PAK3: variants seen among roughly 807,000 people sequenced by gnomAD.
The protein encoded by PAK3 is p21 (RAC1) activated kinase 3.
In PAK3, 4 loss-of-function variants were observed where a neutral mutation model predicts 41.0. That is an observed-to-expected ratio of 0.10 (90% CI 0.05 to 0.22). The LOEUF (loss-of-function observed/expected upper bound fraction) is 0.22. PAK3 is among the 10% of genes least tolerant of loss of function. PAK3 has a pLI of 1.00. For synonymous variants in PAK3, 146 were observed against 139.6 expected (o/e 1.05, Z -0.32); for missense variants, 205 against 409.9 (o/e 0.50, Z 4.32).
chrX:111,188,043 G>A (rs1014242218), intron 11 of PAK3, among the ~76,000 whole-genome samples: 2 of 108,201 alleles, frequency 1.8e-5, no homozygotes, highest in African/African-American at 6.7e-5. Flanking sequence ...TTTTTAGTTA[G>A]CAGCTGGTGC....
chrX:111,100,815 T>C (rs1329540188), intron 3 of PAK3, among the ~76,000 whole-genome samples: 1 of 109,293 alleles, frequency 9.1e-6, no homozygotes, highest in African/African-American at 3.3e-5. Flanking sequence ...GGGGGTGGAG[T>C]TGGGTTAGTG....
chrX:111,032,529 T>G (rs946926993), intron 1 of PAK3, among the ~76,000 whole-genome samples: 1 of 111,737 alleles, frequency 8.9e-6, no homozygotes, highest in Non-Finnish European at 1.9e-5. Context: ...ACCATTCTTC[T>G]TCCCAGGATG....
At chrX:111,004,463 A>G (rs969814766) in intron 1 of PAK3, among the ~76,000 whole-genome samples, 1 of 112,199 alleles carries the variant, frequency 8.9e-6, no homozygotes, top group Non-Finnish European at 1.9e-5. Context: ...TGTCTATTAA[A>G]TAATTGGAGA....
intron 11 of PAK3, among the ~76,000 whole-genome samples, chrX:111,178,970 T>TAGAGAGAGAGAG (rs1248394866): frequency 4.1e-4 from 34 of 82,916 alleles, no homozygotes; most frequent in African/African-American, 2.7e-3. Context: ...TATATATATA[T>TAGAGAGAGAGAG]ATATATATAT....
intron 16 of PAK3, among the ~76,000 whole-genome samples, chrX:111,198,190 T>G (rs776942888): frequency 7.0e-4 from 78 of 112,221 alleles, no homozygotes; most frequent in Non-Finnish European, 1.4e-3. Flanking sequence ...TGATTTTTGC[T>G]TATTAATTGA....
At chrX:111,216,750 T>C (rs967485612) in intron 17 of PAK3, 192 bp downstream of exon 17, 1 of 169,049 alleles carries the variant, frequency 5.9e-6, no homozygotes, top group Non-Finnish European at 9.4e-6. Context: ...TTCTGAGAAG[T>C]TGGCAGTGTA....
chrX:111,088,786 T>A (rs745569352), intron 1 of PAK3, among the ~76,000 whole-genome samples: 1 of 112,146 alleles, frequency 8.9e-6, no homozygotes, highest in Admixed American at 9.4e-5. Context: ...TCACTCAAAG[T>A]AGGCGGTGTA....
chrX:111,047,169 G>A lies in PAK3; in HGVS notation c.-27-75908G>A, dbSNP rs189386848. Among the ~76,000 whole-genome samples the A allele has an allele frequency of 3.5e-4, 39 of 112,218 alleles. 1 individual carries two copies. Among genetic ancestry groups the A allele is most frequent in the Admixed American group, 2.0e-3 (21 of 10,595 alleles). On this transcript the variant is annotated intron_variant, in intron 1 of 14. Transcript: ENST00000425146. ...ATATAGAGGAAGCTGCAGAGTTATA[G>A]CATCCCTCTACAACATTTATTGAGA...
chrX:111,115,768 T>C (rs779196118), intron 4 of PAK3, among the ~76,000 whole-genome samples: 3 of 111,774 alleles, frequency 2.7e-5, no homozygotes, highest in African/African-American at 9.7e-5. Flanking sequence ...GCTAAATTGA[T>C]CTAAGTTCCT....
At chrX:111,182,741 T>A (rs1425494085) in intron 11 of PAK3, among the ~76,000 whole-genome samples, 1 of 111,042 alleles carries the variant, frequency 9.0e-6, no homozygotes, top group Non-Finnish European at 1.9e-5. Context: ...GTTAGTATAG[T>A]GAGACAATAT....
chrX:111,091,967 C>A (rs772301783), upstream of PAK3, among the ~76,000 whole-genome samples: 1 of 111,594 alleles, frequency 9.0e-6, no homozygotes, highest in Admixed American at 9.5e-5. Context: ...GGAACAACTT[C>A]TGGCTGTGGG....
In PAK3 at chrX:111,048,239, T is replaced by C. The variant is rs942777925; in HGVS notation, c.-27-74838T>C. 4.5e-5 allele frequency among the ~76,000 whole-genome samples: 5 copies of C among 111,517 alleles called. No individual in the cohort carries two copies. In the Admixed American group the frequency reaches 4.8e-4, roughly 11 times the overall value. ...AGCCATTCCTTCTCAGTCTCCTTTG[T>C]TGACTATTTCTTCTCTATGTCATCT... On this transcript the variant is annotated intron_variant, in intron 1 of 14. Coordinates refer to the PAK3 transcript ENST00000425146.
chrX:111,222,155 G>A lies in PAK3; in HGVS notation c.*1708G>A, dbSNP rs1569476820. 8.9e-6 allele frequency: 1 copy of A among 111,934 alleles called. No individual in the cohort carries two copies. The highest frequency in any genetic ancestry group is 9.5e-5 in the Admixed American group (1 of 10,512). The allele number at this position is 111,934 out of a possible 1,213,427, so 9.2% of individuals were successfully genotyped here. On this transcript the variant is annotated 3_prime_UTR_variant, in exon 18 of 18. Transcript: ENST00000372007. Reference sequence around the variant, plus strand: ...AGGCTTCTTAATTTGCAGTATAAAAGAATCTAAACAGAACTTATGTACATT... The same window carrying A: ...AGGCTTCTTAATTTGCAGTATAAAAAAATCTAAACAGAACTTATGTACATT...
chrX:111,020,575 G>A (rs2092162289), intron 1 of PAK3, among the ~76,000 whole-genome samples: 1 of 111,547 alleles, frequency 9.0e-6, no homozygotes, highest in Non-Finnish European at 1.9e-5. Flanking sequence ...AGACAGAGCA[G>A]TGTATAGAGA....
At chrX:111,142,410 C>T (rs1041063477) in intron 6 of PAK3, among the ~76,000 whole-genome samples, 1 of 112,458 alleles carries the variant, frequency 8.9e-6, no homozygotes, top group Non-Finnish European at 1.9e-5. Flanking sequence ...AAAGTTTGAT[C>T]ACTGTATAGT....
intron 1 of PAK3, among the ~76,000 whole-genome samples, chrX:110,958,771 T>A (rs2090917598): frequency 9.0e-6 from 1 of 111,379 alleles, no homozygotes; most frequent in African/African-American, 3.3e-5. Flanking sequence ...CTAGGTAGGT[T>A]TTAAGCCCCT....
upstream of PAK3, among the ~76,000 whole-genome samples, chrX:111,093,981 C>G (rs899630296): frequency 2.7e-5 from 3 of 111,562 alleles, no homozygotes; most frequent in Non-Finnish European, 5.7e-5. Flanking sequence ...TTTTACAAAT[C>G]AGAGATGTTA....
chrX:111,084,612 G>A (rs140365330), intron 1 of PAK3, among the ~76,000 whole-genome samples: 56 of 111,753 alleles, frequency 5.0e-4, no homozygotes, highest in African/African-American at 1.6e-3. Flanking sequence ...CCCTTGCTGC[G>A]ATGTGGATGG....
At chrX:111,216,947 C>T in intron 17 of PAK3, 1 of 751,706 alleles carries the variant, frequency 1.3e-6, no homozygotes, top group South Asian at 6.7e-5. Context: ...GCATTTGCTA[C>T]TCTAATGCTT....
Sources: gnomAD v4.1 joint callset for allele counts (sites outside exome capture counted in the v4.1 genomes callset) on GRCh38, gnomAD v4.1.1 for gene constraint, MANE v1.5 for transcripts, NCBI Gene and HGNC (gene_info 2026-07-23, HGNC 2026-07-21) for gene names.